The following XKR6 variants were observed in gnomAD, a reference collection of about 807,000 sequenced individuals.
The protein encoded by XKR6 is XK-related protein 6.
In XKR6, 22 loss-of-function variants were observed where a neutral mutation model predicts 56.7. The ratio of observed to expected loss-of-function variants is 0.39; its 90% confidence interval spans 0.28 to 0.55. The LOEUF (loss-of-function observed/expected upper bound fraction) is 0.55. Ranked by LOEUF, XKR6 falls within the 20% of genes least tolerant of loss-of-function variation. The pLI is 0.66. For synonymous variants in XKR6, 524 were observed against 387.8 expected (o/e 1.35, Z -4.13); for missense variants, 852 against 889.0 (o/e 0.96, Z 0.53).
At chr8:11,065,465 G>A (rs980572760) in intron 1 of XKR6, among the ~76,000 whole-genome samples, 2 of 152,106 alleles carry the variant, frequency 1.3e-5, no homozygotes, top group Admixed American at 6.5e-5. Context: ...TGGATGCAAC[G>A]TTTCCCAGGC....
At chr8:10,971,768 C>A (rs990395265) in intron 1 of XKR6, among the ~76,000 whole-genome samples, 1 of 152,196 alleles carries the variant, frequency 6.6e-6, no homozygotes, top group Non-Finnish European at 1.5e-5. Context: ...ACAAAGGAGG[C>A]AGGGGACGCT....
chr8:10,898,507 C>T lies in XKR6; in HGVS notation c.1371G>A (p.Thr457=), dbSNP rs750390583. 3.6e-5 allele frequency: 58 copies of T among 1,613,846 alleles called. No individual in the cohort carries two copies. Among genetic ancestry groups the T allele is most frequent in the East Asian group, 4.5e-5 (2 of 44,892 alleles). The part of the protein sequence containing the change: ...TIVLTENAAL[T]FLWYFYRDPE... ...GGTCTCTGTAAAAATACCAAAGGAA[C>T]GTCAAGGCAGCATTCTCGGTCAAGA... The change falls in exon 3 of 3, where the codon ACG becomes ACA. Residue 457 remains threonine, a synonymous_variant. Coordinates refer to ENST00000416569, the MANE Select transcript of XKR6 (RefSeq NM_173683.4). The surrounding 1 kb of genome is among the most constrained non-coding windows in gnomAD (Gnocchi z 6.6).
At chr8:10,929,966 G>C (rs115603751) in intron 1 of XKR6, among the ~76,000 whole-genome samples, 1 of 152,358 alleles carries the variant, frequency 6.6e-6, no homozygotes, top group African/African-American at 2.4e-5. Context: ...TCTGAGCACA[G>C]CTTTCTGAGG....
rs561054548 is a variant in XKR6, at chr8:10,975,835, T to C, written c.765-51005A>G. 5.9e-5 allele frequency among the ~76,000 whole-genome samples: 9 copies of C among 152,212 alleles called. 1 individual carries two copies. Among genetic ancestry groups the C allele is most frequent in the Non-Finnish European group, 1.0e-4 (7 of 68,012 alleles). ...TGGGTTCAGATTCTGCTCTGACACT[T>C]GGTCAATTCACTCAATCTCCAAGCC... On this transcript the variant is annotated intron_variant, in intron 1 of 2. Transcript: ENST00000416569.
chr8:11,165,203 G>A (rs1802011646), intron 1 of XKR6, among the ~76,000 whole-genome samples: 1 of 138,382 alleles, frequency 7.2e-6, no homozygotes, highest in Non-Finnish European at 1.5e-5. Flanking sequence ...AGGTTCAAAT[G>A]ATTCTCCTGC....
At chr8:11,051,921 G>A (rs1263370998) in intron 1 of XKR6, among the ~76,000 whole-genome samples, 2 of 152,232 alleles carry the variant, frequency 1.3e-5, no homozygotes, top group Non-Finnish European at 2.9e-5. Context: ...ATGGTGGTTT[G>A]TTACAGAGGT....
chr8:11,200,734 C>A lies in XKR6; in HGVS notation c.606G>T (p.Arg202=), dbSNP rs757845278. The stretch of plus-strand genomic sequence containing the variant: ...AGCCGGCCCCCATCATGGGGGGGCC[C>A]CGGCTGGTGAGCCCCTCCACGGCGC... ...GLGAVEGLTS[R]GPPMMGAGYV... The change falls in exon 1 of 3, where the codon CGG becomes CGT. Residue 202 remains arginine (R), a synonymous_variant. Coordinates refer to ENST00000416569, the MANE Select transcript of XKR6 (RefSeq NM_173683.4). The surrounding 1 kb of genome is among the most constrained non-coding windows in gnomAD (Gnocchi z 6.4). The A allele has an allele frequency of 1.3e-6, 2 of 1,591,698 alleles. No individual in the cohort carries two copies. Among genetic ancestry groups the A allele is most frequent in the Non-Finnish European group, 1.7e-6 (2 of 1,172,264 alleles).
chr8:11,062,523 T>C (rs895409911), intron 1 of XKR6: 2 of 355,750 alleles, frequency 5.6e-6, no homozygotes, highest in African/African-American at 4.3e-5. Flanking sequence ...ATCTCTCCTC[T>C]ACCTGCCCGA....
intron 1 of XKR6, among the ~76,000 whole-genome samples, chr8:11,027,101 A>T (rs945127829): frequency 2.6e-5 from 4 of 152,232 alleles, no homozygotes; most frequent in African/African-American, 9.6e-5. Flanking sequence ...GCTATACGGC[A>T]TAGCCTGTTG....
At chr8:11,021,584 GGC>G (rs1798750518) in intron 1 of XKR6, among the ~76,000 whole-genome samples, 1 of 152,108 alleles carries the variant, frequency 6.6e-6, no homozygotes, top group African/African-American at 2.4e-5. Flanking sequence ...AGAGAGCAGT[GGC>G]TGGGTCTGCT....
chr8:11,084,957 T>C (rs1018519678), intron 1 of XKR6, among the ~76,000 whole-genome samples: 5 of 152,270 alleles, frequency 3.3e-5, no homozygotes, highest in African/African-American at 1.2e-4. Context: ...GCATCCAAGG[T>C]GCACCACCAT....
At chr8:11,173,058 G>A (rs73530560) in intron 1 of XKR6, among the ~76,000 whole-genome samples, 11,981 of 152,038 alleles carry the variant, frequency 0.079, 1,193 homozygotes, top group African/African-American at 0.24. Flanking sequence ...GCTTCCGGCC[G>A]GGCGCGGTGG....
intron 1 of XKR6, among the ~76,000 whole-genome samples, chr8:11,155,387 T>A (rs997221227): frequency 2.6e-5 from 4 of 152,176 alleles, no homozygotes; most frequent in African/African-American, 9.7e-5. Context: ...GACTTTATAA[T>A]GTGAATATTT....
chr8:10,932,005 C>A (rs1816129962), intron 1 of XKR6, among the ~76,000 whole-genome samples: 1 of 151,904 alleles, frequency 6.6e-6, no homozygotes, highest in South Asian at 2.1e-4. Context: ...TAGAAAAAAA[C>A]AATCCAATTT....
intron 1 of XKR6, among the ~76,000 whole-genome samples, chr8:11,047,646 G>C (rs1044424804): frequency 1.3e-5 from 2 of 152,236 alleles, no homozygotes; most frequent in African/African-American, 2.4e-5. Flanking sequence ...GTTGTTGTTT[G>C]ATGGAGACAG....
At chr8:11,090,979 G>A (rs984455570) in intron 1 of XKR6, among the ~76,000 whole-genome samples, 2 of 152,040 alleles carry the variant, frequency 1.3e-5, no homozygotes, top group Non-Finnish European at 2.9e-5. Flanking sequence ...TGGAAAAGAG[G>A]CACAACTCGA....
At chr8:11,156,842 C>T (rs1280794816) in intron 1 of XKR6, among the ~76,000 whole-genome samples, 1 of 152,074 alleles carries the variant, frequency 6.6e-6, no homozygotes, top group South Asian at 2.1e-4. Context: ...TGCACACACA[C>T]ACACATACAC....
At position 10,944,667 on chromosome 8, in the gene XKR6, C is replaced by T. The variant is rs187591645; in HGVS notation, c.765-19837G>A. On this transcript the variant is annotated intron_variant, in intron 1 of 2. Transcript: ENST00000416569. ...CTGAGTATGAGAACAGACTCTAGAA[C>T]CTTCCACAGCCTGGCTGGCTCCGAG... is the stretch of plus-strand genomic sequence containing the variant. Among the ~76,000 whole-genome samples, 1,207 of 152,296 alleles carry T rather than the reference C, an allele frequency of 7.9e-3. 18 individuals are homozygous for T. Among genetic ancestry groups the T allele is most frequent in the African/African-American group, 0.028 (1,149 of 41,548 alleles).
intron 1 of XKR6, among the ~76,000 whole-genome samples, chr8:11,144,777 T>C (rs1177757784): frequency 2.0e-5 from 3 of 151,666 alleles, no homozygotes; most frequent in East Asian, 3.9e-4. Context: ...CGTAAGATAA[T>C]TAAAGTCCTC....
Sources: allele counts gnomAD v4.1 joint callset (sites outside exome capture counted in the v4.1 genomes callset), GRCh38; gene constraint gnomAD v4.1.1; non-coding constraint Gnocchi (gnomAD v3.1); transcripts MANE v1.5; gene names NCBI Gene and HGNC (gene_info 2026-07-23, HGNC 2026-07-21).